Variants in FCRL2 observed in about 807,000 individuals in gnomAD.
The protein encoded by FCRL2 is Fc receptor like 2, also known as Fc receptor-like protein 2.
In FCRL2, 48 loss-of-function variants were observed where a neutral mutation model predicts 59.8. That is an observed-to-expected ratio of 0.80 (90% CI 0.64 to 1.02). The LOEUF is 1.02. FCRL2 is among the 50% of genes least tolerant of loss of function. The pLI is 0.00. For synonymous variants in FCRL2, 251 were observed against 229.5 expected (o/e 1.09, Z -0.85); for missense variants, 658 against 597.3 (o/e 1.10, Z -1.06).
chr1:157,773,286 G>A (rs1457686546), intron 2 of FCRL2, among the ~76,000 whole-genome samples: 3 of 152,212 alleles, frequency 2.0e-5, no homozygotes, highest in Non-Finnish European at 4.4e-5. Context: ...AGGATTCTGT[G>A]AGAGAAGCAC....
At chr1:157,748,488 T>C in intron 10 of FCRL2, 65 bp downstream of exon 10, 3 of 898,070 alleles carry the variant, frequency 3.3e-6, no homozygotes, top group Non-Finnish European at 5.3e-6. Context: ...AAAGCCTCTA[T>C]TGCAAACAAT....
chr1:157,777,003 C>A, intron 1 of FCRL2, 40 bp downstream of exon 1: 2 of 1,588,990 alleles, frequency 1.3e-6, no homozygotes, highest in South Asian at 2.2e-5. Context: ...AGACCTCATT[C>A]AGCTGCCACC....
intron 7 of FCRL2, among the ~76,000 whole-genome samples, chr1:157,751,818 G>A (rs956283951): frequency 6.6e-6 from 1 of 152,258 alleles, no homozygotes; most frequent in South Asian, 2.1e-4. Context: ...CAAGATGCAG[G>A]TAGGTAATGT....
At chr1:157,759,910 A>G (rs1648891555) in intron 7 of FCRL2, among the ~76,000 whole-genome samples, 1 of 152,206 alleles carries the variant, frequency 6.6e-6, no homozygotes, top group African/African-American at 2.4e-5. Flanking sequence ...TTAAAATAGA[A>G]CTACCATTTG....
At chr1:157,766,236 C>T (rs1014703450) in intron 7 of FCRL2, among the ~76,000 whole-genome samples, 2 of 152,210 alleles carry the variant, frequency 1.3e-5, no homozygotes, top group African/African-American at 2.4e-5. Context: ...CTTTGGGAGG[C>T]CAAGATGGGC....
Position 157,768,606 on chromosome 1 carries a change from C to T in FCRL2, c.691G>A (p.Gly231Ser). The change falls in exon 5 of 12, where the codon GGT becomes AGT. Residue 231 changes from glycine to serine, a missense_variant. Transcript: ENST00000361516. ...KLILLCSVAG[G>S]TGNVTFSWYR... Reference sequence around the variant, plus strand: ...CAGGAGAATGTGACATTTCCTGTACCCCCAGCCACTGAGCAGAGCAGGATC... The same window carrying T: ...CAGGAGAATGTGACATTTCCTGTACTCCCAGCCACTGAGCAGAGCAGGATC... The T allele has an allele frequency of 1.2e-6, 2 of 1,614,134 alleles. No individual in the cohort carries two copies. Among genetic ancestry groups the T allele is most frequent in the Admixed American group, 1.7e-5 (1 of 60,016 alleles).
intron 7 of FCRL2, among the ~76,000 whole-genome samples, chr1:157,762,947 C>T (rs953440078): frequency 1.3e-5 from 2 of 152,118 alleles, no homozygotes; most frequent in Non-Finnish European, 2.9e-5. Context: ...CAAGGGAGTC[C>T]TAAGCCTGAA....
intron 8 of FCRL2, 126 bp from the exon 9 acceptor site, chr1:157,749,086 G>A: frequency 8.2e-6 from 6 of 730,690 alleles, no homozygotes; most frequent in Non-Finnish European, 1.4e-5. Flanking sequence ...GTGATTTTAT[G>A]GCCCTTTGTG....
In FCRL2 at chr1:157,767,363, T is replaced by C; in HGVS notation, c.1030A>G (p.Ser344Gly). 6.2e-7 allele frequency: 1 copy of C among 1,614,244 alleles called. No individual in the cohort carries two copies. The highest frequency in any genetic ancestry group is 1.1e-5 in the South Asian group (1 of 91,082). The part of the protein sequence containing the change: ...FYHEDVTLGN[S>G]SAPSGGGASF... ...GCCCCTCCTCCAGAGGGGGCCGAGC[T>C]GTTCCCAAGGGTGACATCCTCATGA... is the stretch of plus-strand genomic sequence containing the variant. The change falls in exon 6 of 12, where the codon AGC (serine) becomes GGC (glycine). Residue 344 changes from serine to glycine, a missense_variant. Transcript: ENST00000361516.
At chr1:157,757,271 A>G (rs1648665121) in intron 7 of FCRL2, among the ~76,000 whole-genome samples, 1 of 152,198 alleles carries the variant, frequency 6.6e-6, no homozygotes, top group Admixed American at 6.5e-5. Context: ...CATATATTGA[A>G]GTACTAATGC....
chr1:157,768,403 G>GTGTC lies in FCRL2; in HGVS notation c.883+7_883+10dup. 1.2e-6 allele frequency: 2 copies of GTGTC among 1,609,460 alleles called. No homozygotes were observed. The highest frequency in any genetic ancestry group is 1.7e-6 in the Non-Finnish European group (2 of 1,176,696). ...GAATTTCTGGAAGATATGAATGAGA[G>GTGTC]TGTCACTCACTTCTCACAGGGATAT... On this transcript the variant is annotated intron_variant, in intron 5 of 11. Coordinates refer to ENST00000361516, the MANE Select transcript of FCRL2 (RefSeq NM_030764.4).
chr1:157,769,121 T>C (rs1197479441), intron 4 of FCRL2: 1 of 158,556 alleles, frequency 6.3e-6, no homozygotes, highest in Non-Finnish European at 1.4e-5. Context: ...CAAATACAAC[T>C]TCTCCTCTGA....
chr1:157,773,206 T>C (rs1217649413), intron 2 of FCRL2, among the ~76,000 whole-genome samples: 1 of 152,228 alleles, frequency 6.6e-6, no homozygotes, highest in Admixed American at 6.5e-5. Context: ...GCTGGACCTG[T>C]GTTCAGTTAC....
Position 157,768,720 on chromosome 1 carries a change from A to G in FCRL2, c.596-19T>C. ...GGGATTCCTAGATGGATATAAGACA[A>G]CAGGTGAGAACTCTAAGGGAAACTC... On this transcript the variant is annotated intron_variant, in intron 4 of 11. Transcript: ENST00000361516. The G allele has an allele frequency of 1.3e-6, 2 of 1,573,110 alleles. No individual in the cohort carries two copies. The highest frequency in any genetic ancestry group is 1.7e-6 in the Non-Finnish European group (2 of 1,160,600).
At chr1:157,761,931 C>T (rs565055794) in intron 7 of FCRL2, among the ~76,000 whole-genome samples, 1 of 152,268 alleles carries the variant, frequency 6.6e-6, no homozygotes, top group African/African-American at 2.4e-5. Context: ...CTACTAAGGA[C>T]AACTAGAAAG....
chr1:157,767,580 A>C, intron 5 of FCRL2, 71 bp from the exon 6 acceptor site: 1 of 1,614,232 alleles, frequency 6.2e-7, no homozygotes, highest in Non-Finnish European at 8.5e-7. Context: ...CCCAACCTGC[A>C]GGCTCAGCAA....
At position 157,768,450 on chromosome 1, in the gene FCRL2, G is replaced by A. The variant is rs767963189; in HGVS notation, c.847C>T (p.Pro283Ser). The A allele has an allele frequency of 1.6e-5, 26 of 1,614,036 alleles. No homozygotes were observed. In the South Asian group the frequency reaches 2.1e-4, roughly 13 times the overall value. Residue 283 changes from proline to serine, a missense_variant, in exon 5 of 12, where the codon CCT (proline) becomes TCT (serine). Coordinates refer to ENST00000361516, the MANE Select transcript of FCRL2 (RefSeq NM_030764.4). ...ATATTCACCACCTTGCTCTGGATAG[G>A]CACATGGCCGTTGTCAGCTCTACAG... ...YYCRADNGHV[P>S]IQSKVVNIPV...
chr1:157,760,928 A>G (rs1649056104), intron 7 of FCRL2, among the ~76,000 whole-genome samples: 1 of 152,220 alleles, frequency 6.6e-6, no homozygotes, highest in South Asian at 2.1e-4. Flanking sequence ...AAACCTGCAC[A>G]TGTACCTCTT....
intron 5 of FCRL2, chr1:157,768,004 C>T (rs1400939093): frequency 1.2e-5 from 3 of 245,056 alleles, no homozygotes; most frequent in Non-Finnish European, 2.3e-5. Context: ...TCACCAATAA[C>T]ATGGCTCCAA....
Sources: allele counts gnomAD v4.1 joint callset (sites outside exome capture counted in the v4.1 genomes callset), GRCh38; gene constraint gnomAD v4.1.1; transcripts MANE v1.5; gene names NCBI Gene and HGNC (gene_info 2026-07-23, HGNC 2026-07-21).